The following KIF25 variants were observed in gnomAD, a reference collection of about 807,000 sequenced individuals.
KIF25 encodes kinesin-like protein KIF25.
In KIF25, 19 loss-of-function variants were observed where a neutral mutation model predicts 32.9. That is an observed-to-expected ratio of 0.58 (90% CI 0.40 to 0.85). The LOEUF is 0.85. KIF25 is among the 40% of genes least tolerant of loss of function. The pLI, the probability that KIF25 is intolerant of heterozygous loss-of-function variation, is 0.00. For missense variants in KIF25, 485 were observed against 507.0 expected, an observed-to-expected ratio of 0.96 and a Z score of 0.42; for synonymous variants, 225 against 213.7, an observed-to-expected ratio of 1.05 and a Z score of -0.46.
intron 5 of KIF25, among the ~76,000 whole-genome samples, chr6:168,028,017 T>C (rs1798888223): frequency 6.6e-6 from 1 of 152,058 alleles, no homozygotes; most frequent in South Asian, 2.1e-4. Context: ...GGCTGCCAGG[T>C]TCCAGAAGAA....
intron 4 of KIF25, among the ~76,000 whole-genome samples, chr6:168,007,747 G>C (rs1008200501): frequency 6.6e-6 from 1 of 151,450 alleles, no homozygotes; most frequent in African/African-American, 2.4e-5. Flanking sequence ...GATGGCTCCC[G>C]TTGTTAGGGA....
chr6:168,027,786 T>C (rs557607786), intron 5 of KIF25, among the ~76,000 whole-genome samples: 10 of 152,314 alleles, frequency 6.6e-5, no homozygotes, highest in East Asian at 5.8e-4. Context: ...CTGTGTCGCG[T>C]CTCTTCAGAG....
At chr6:168,037,232 C>T (rs1350062189) in intron 8 of KIF25, among the ~76,000 whole-genome samples, 2 of 152,168 alleles carry the variant, frequency 1.3e-5, no homozygotes, top group African/African-American at 4.8e-5. Flanking sequence ...GTTTTACTTA[C>T]TTTCTCTTTC....
intron 6 of KIF25, 107 bp downstream of exon 6, chr6:168,029,784 C>A: frequency 7.1e-7 from 1 of 1,410,720 alleles, no homozygotes; most frequent in Non-Finnish European, 9.6e-7. Flanking sequence ...GGTGTATTTT[C>A]TGAGTGAAAA....
rs972880728 is a variant in KIF25, at chr6:168,045,005, A to G, written c.*9A>G. 2.5e-6 allele frequency: 4 copies of G among 1,578,738 alleles called. No individual in the cohort carries two copies. Among genetic ancestry groups the G allele is most frequent in the South Asian group, 2.3e-5 (2 of 87,078 alleles). ...AGAGGAGGCCGGATTGAATGCATTA[A>G]CAAGTTTTTCTCCTAAAACTGTGTT... On this transcript the variant is annotated 3_prime_UTR_variant, in exon 13 of 13. Coordinates refer to ENST00000643607, the MANE Select transcript of KIF25 (RefSeq NM_030615.4).
At chr6:168,007,405 C>A (rs904079832) in intron 4 of KIF25, among the ~76,000 whole-genome samples, 1 of 152,084 alleles carries the variant, frequency 6.6e-6, no homozygotes, top group Non-Finnish European at 1.5e-5. Context: ...GAATGAGACT[C>A]CATCTCAAAA....
At chr6:168,039,707 T>C (rs1329589455) in intron 9 of KIF25, among the ~76,000 whole-genome samples, 1 of 152,200 alleles carries the variant, frequency 6.6e-6, no homozygotes, top group Non-Finnish European at 1.5e-5. Flanking sequence ...CACGGAGAAA[T>C]GGGTTAAACC....
chr6:168,035,862 AACGAGAATCGGAGCAGAC>A (rs553343929), intron 8 of KIF25: 5,040 of 440,508 alleles, frequency 0.011, 54 homozygotes, highest in Middle Eastern at 0.024. Context: ...CGTTTGCAGA[AACGAGAATCGGAGCAGAC>A]ACGGACCGTG....
Position 168,038,551 on chromosome 6 carries a change from AG to A in KIF25, c.318del. The A allele has an allele frequency of 6.2e-7, 1 of 1,613,860 alleles. No individual in the cohort carries two copies. The highest frequency in any genetic ancestry group is 8.5e-7 in the Non-Finnish European group (1 of 1,179,798). On this transcript the variant is annotated splice_acceptor_variant, in intron 8 of 12. Transcript: ENST00000643607. LOFTEE classifies it high-confidence loss of function. ...AAGTTTCTCTTGTGTGTTTTCCCGC[AG>A]GCTCATTTTGGAAAATACCTCAAGA... is the stretch of plus-strand genomic sequence containing the variant.
At chr6:168,033,645 C>CTG (rs369369150) in intron 7 of KIF25, among the ~76,000 whole-genome samples, 2 of 152,064 alleles carry the variant, frequency 1.3e-5, no homozygotes, top group African/African-American at 4.8e-5. Context: ...TGAACCCACG[C>CTG]TGTGTGTGTG....
At chr6:168,038,873 AGTGCTCCTTGTCACT>A in intron 9 of KIF25, 144 bp downstream of exon 9, 1 of 733,254 alleles carries the variant, frequency 1.4e-6, no homozygotes, top group Non-Finnish European at 2.2e-6. Flanking sequence ...TGGCCCGATC[AGTGCTCCTTGTCACT>A]GAGTGGTTCC....
At position 167,998,141 on chromosome 6, in the gene KIF25, A is replaced by G. The variant is rs1798446884; in HGVS notation, c.-1328A>G. 1 of 152,016 alleles carries G rather than the reference A, an allele frequency of 6.6e-6. No individual in the cohort carries two copies. The highest frequency in any genetic ancestry group is 6.6e-5 in the Admixed American group (1 of 15,264). The allele number at this position is 152,016 out of a possible 1,614,324, so 9.4% of individuals were successfully genotyped here. On this transcript the variant is annotated 5_prime_UTR_variant, in exon 1 of 13. Coordinates refer to ENST00000643607, the MANE Select transcript of KIF25 (RefSeq NM_030615.4). ...ATCAGTGAAGCACCTGGCACTTCAGAAAGTCTCACTACGCTGCAGCTTTTT... is the reference window on the plus strand; with the variant it reads ...ATCAGTGAAGCACCTGGCACTTCAGGAAGTCTCACTACGCTGCAGCTTTTT...
chr6:168,035,701 T>A (rs779782392), intron 8 of KIF25: 1 of 455,964 alleles, frequency 2.2e-6, no homozygotes, highest in South Asian at 1.5e-5. Flanking sequence ...GTTTTTCCGT[T>A]TTGCTGTTCT....
chr6:168,044,242 C>T (rs1372061828), intron 12 of KIF25, among the ~76,000 whole-genome samples: 3 of 143,026 alleles, frequency 2.1e-5, no homozygotes, highest in African/African-American at 5.2e-5. Flanking sequence ...TGCTGACCCT[C>T]CCGGAGGGTG....
At position 168,029,507 on chromosome 6, in the gene KIF25, C is replaced by T. The variant is rs958926118; in HGVS notation, c.-79C>T. 116 of 1,561,728 alleles carry T rather than the reference C, an allele frequency of 7.4e-5. 1 individual carries two copies. The East Asian group carries it at 2.2e-3, about 30-fold the overall frequency. On this transcript the variant is annotated 5_prime_UTR_variant, in exon 6 of 13. Coordinates refer to ENST00000643607, the MANE Select transcript of KIF25 (RefSeq NM_030615.4). ...TCCTTTACAGATATACTGGCCTTCC[C>T]AGCTGACATGGACCTCAGGTCAGCT...
chr6:168,024,088 G>A (rs1372811107), intron 5 of KIF25, among the ~76,000 whole-genome samples: 4 of 149,558 alleles, frequency 2.7e-5, no homozygotes, highest in African/African-American at 7.7e-5. Context: ...TTCCATACAC[G>A]GTGCTGGTGG....
At chr6:168,031,854 G>A (rs1489073815) in intron 7 of KIF25, among the ~76,000 whole-genome samples, 1 of 152,186 alleles carries the variant, frequency 6.6e-6, no homozygotes, top group East Asian at 1.9e-4. Context: ...TATTGGGAGA[G>A]ATTTATCCTG....
At chr6:168,006,870 T>G (rs1009756723) in intron 4 of KIF25, among the ~76,000 whole-genome samples, 1 of 152,224 alleles carries the variant, frequency 6.6e-6, no homozygotes, top group African/African-American at 2.4e-5. Flanking sequence ...GTTAACGGAC[T>G]GATAGCCTTA....
At chr6:168,030,143 T>C (rs1247751653) in intron 6 of KIF25, among the ~76,000 whole-genome samples, 1 of 152,178 alleles carries the variant, frequency 6.6e-6, no homozygotes, top group Admixed American at 6.5e-5. Flanking sequence ...TTTTTGGACG[T>C]TGCTTCCTAT....
Sources: allele counts gnomAD v4.1 joint callset (sites outside exome capture counted in the v4.1 genomes callset), GRCh38; gene constraint gnomAD v4.1.1; transcripts MANE v1.5; gene names NCBI Gene and HGNC (gene_info 2026-07-23, HGNC 2026-07-21).